The following FLNB variants were observed in gnomAD, a reference collection of about 807,000 sequenced individuals.
The protein encoded by FLNB is filamin B.
FLNB carries 111 observed loss-of-function variants against 250.6 expected under a neutral mutation model. That is an observed-to-expected ratio of 0.44 (90% CI 0.38 to 0.52). The LOEUF (loss-of-function observed/expected upper bound fraction) is 0.52. Ranked by LOEUF, FLNB falls within the 20% of genes least tolerant of loss-of-function variation. The pLI is 0.00. For missense variants in FLNB, 2,869 were observed against 3,447.8 expected (o/e 0.83, Z 4.20); for synonymous variants, 1,302 against 1,372.1 (o/e 0.95, Z 1.13).
chr3:58,020,804 G>A (rs1383449516), intron 1 of FLNB, among the ~76,000 whole-genome samples: 2 of 151,920 alleles, frequency 1.3e-5, no homozygotes, highest in African/African-American at 4.8e-5. Context: ...ATAGGGAAAC[G>A]GGTGGGGATT....
In FLNB at chr3:58,150,006, T is replaced by G. The variant is rs185737810; in HGVS notation, c.6244+4T>G. The G allele has an allele frequency of 3.2e-4, 519 of 1,614,264 alleles. 3 individuals are homozygous for G. In the African/African-American group the frequency reaches 6.0e-3, roughly 19 times the overall value. ...TTCGCTGACGAGCACGTGCCTGGTA[T>G]GTGCATTCCATTCCCCTCCAGGTGG... On this transcript the variant is annotated splice_donor_region_variant and intron_variant, in intron 37 of 45. Coordinates refer to ENST00000295956, the MANE Select transcript of FLNB (RefSeq NM_001457.4).
chr3:58,034,172 A>G (rs1408188583), intron 1 of FLNB, among the ~76,000 whole-genome samples: 21 of 152,146 alleles, frequency 1.4e-4, no homozygotes, highest in Non-Finnish European at 2.9e-5. Flanking sequence ...GGTGGTTTCT[A>G]AATAAAGCTA....
In FLNB at chr3:58,123,329, T is replaced by C. The variant is rs1034838876; in HGVS notation, c.3363T>C (p.Ser1121=). 6.2e-7 allele frequency: 1 copy of C among 1,614,146 alleles called. No individual in the cohort carries two copies. The highest frequency in any genetic ancestry group is 8.5e-7 in the Non-Finnish European group (1 of 1,180,012). The change falls in exon 21 of 46, where the codon TCT becomes TCC. Residue 1121 remains serine (S), a synonymous_variant. Transcript: ENST00000295956. ...TTGAAGAAGTCCACATACCTGGGTC[T>C]CCCTTCAAAGCTGACATTGAAATGC... ...ILFEEVHIPG[S]PFKADIEMPF...
chr3:58,094,983 C>A (rs1269711032), intron 5 of FLNB, 29 bp downstream of exon 5: 4 of 1,536,980 alleles, frequency 2.6e-6, no homozygotes, highest in Non-Finnish European at 3.6e-6. Context: ...CCTCTCCTTT[C>A]CAGCACCTCA....
chr3:58,067,976 C>T (rs1237189407), intron 1 of FLNB, among the ~76,000 whole-genome samples: 6 of 152,188 alleles, frequency 3.9e-5, no homozygotes, highest in African/African-American at 1.4e-4. Context: ...GATACTGGGA[C>T]CCAGGTTCCT....
At chr3:58,157,367 T>C (rs531984125) in intron 41 of FLNB, among the ~76,000 whole-genome samples, 1 of 152,204 alleles carries the variant, frequency 6.6e-6, no homozygotes, top group African/African-American at 2.4e-5. Context: ...ATTGGTGATA[T>C]CATTGGCTTT....
At chr3:58,100,879 A>G (rs2097249955) in intron 8 of FLNB, among the ~76,000 whole-genome samples, 2 of 151,540 alleles carry the variant, frequency 1.3e-5, no homozygotes, top group Admixed American at 6.6e-5. Flanking sequence ...GTTTACAGGC[A>G]TAAGCCACCA....
intron 32 of FLNB, 80 bp from the exon 33 acceptor site, chr3:58,145,841 A>G (rs993878709): frequency 1.3e-6 from 2 of 1,580,446 alleles, no homozygotes; most frequent in East Asian, 2.2e-5. Flanking sequence ...AGAGAGGTGG[A>G]CGTCAAGATG....
chr3:58,105,334 T>G, intron 11 of FLNB, 118 bp downstream of exon 11: 1 of 1,283,494 alleles, frequency 7.8e-7, no homozygotes, highest in Non-Finnish European at 1.1e-6. Flanking sequence ...CTTCCTGGCC[T>G]CCTGGCCACC....
chr3:58,170,505 C>G lies in FLNB; in HGVS notation c.7622-70C>G, dbSNP rs1045739220. 11 of 1,498,340 alleles carry G rather than the reference C, an allele frequency of 7.3e-6. No individual in the cohort carries two copies. In the African/African-American group the frequency reaches 1.1e-4, roughly 15 times the overall value. The allele number at this position is 1,498,340 out of a possible 1,614,324, so 92.8% of individuals were successfully genotyped here. ...TCGTGGAAGCACCTTACCTTTGGCT[C>G]TCATATTTCCTCTTCTTCCTGTGCC... On this transcript the variant is annotated intron_variant, in intron 45 of 45. Coordinates refer to ENST00000295956, the MANE Select transcript of FLNB (RefSeq NM_001457.4).
At chr3:58,102,717 C>G (rs928912669) in intron 9 of FLNB, among the ~76,000 whole-genome samples, 2 of 152,236 alleles carry the variant, frequency 1.3e-5, no homozygotes, top group Non-Finnish European at 2.9e-5. Flanking sequence ...AGCTGGAATT[C>G]AAGCACAGTC....
chr3:58,016,070 T>C (rs958421257), intron 1 of FLNB, among the ~76,000 whole-genome samples: 1 of 151,854 alleles, frequency 6.6e-6, no homozygotes, highest in Non-Finnish European at 1.5e-5. Context: ...GTTTTTTTTT[T>C]TGAGTTGGAG....
intron 1 of FLNB, among the ~76,000 whole-genome samples, chr3:58,024,381 G>T (rs1469549342): frequency 1.3e-5 from 2 of 152,152 alleles, no homozygotes; most frequent in Non-Finnish European, 2.9e-5. Context: ...TGGAGGTGGT[G>T]GTGGGGGCTG....
At chr3:58,054,010 C>T (rs549915858) in intron 1 of FLNB, among the ~76,000 whole-genome samples, 174 of 152,250 alleles carry the variant, frequency 1.1e-3, no homozygotes, top group African/African-American at 4.1e-3. Flanking sequence ...TTGGTGAACA[C>T]TGGGGCTTAA....
chr3:58,088,121 A>C (rs558968683), intron 4 of FLNB, among the ~76,000 whole-genome samples: 3 of 128,962 alleles, frequency 2.3e-5, no homozygotes, highest in African/African-American at 9.0e-5. Flanking sequence ...GGCTCGCTGC[A>C]ACCCCCGCCT....
At chr3:58,096,879 G>A (rs963792474) in intron 6 of FLNB, among the ~76,000 whole-genome samples, 6 of 152,204 alleles carry the variant, frequency 3.9e-5, no homozygotes, top group Non-Finnish European at 8.8e-5. Flanking sequence ...CAGCATTGAA[G>A]GCTGAGGATG....
rs1256764500 is a variant in FLNB at position 58,150,200 on chromosome 3, A to G, written c.6340A>G (p.Ile2114Val). 6.8e-6 allele frequency: 11 copies of G among 1,614,084 alleles called. No individual in the cohort carries two copies. The highest frequency in any genetic ancestry group is 9.3e-6 in the Non-Finnish European group (11 of 1,180,034). ...CCCGTCCGTGGCCACTGTCGGGAGC[A>G]TTTGTGACCTGAACCTGAAAATCCC... ...RAPSVATVGS[I>V]CDLNLKIPEI... Residue 2114 changes from isoleucine to valine, a missense_variant, in exon 38 of 46, where the codon ATT (isoleucine) becomes GTT (valine). Ile to Val is a conservative substitution (Grantham distance 29). Transcript: ENST00000295956.
chr3:58,070,709 G>T (rs545122425), intron 1 of FLNB, among the ~76,000 whole-genome samples: 53 of 150,048 alleles, frequency 3.5e-4, no homozygotes, highest in Non-Finnish European at 6.8e-4. Context: ...ACCCAGGCTG[G>T]AGTGCAGTGG....
rs758045039 is a variant in FLNB, at chr3:58,109,673, C to T, written c.2297C>T (p.Thr766Met). 1.9e-5 allele frequency: 30 copies of T among 1,613,982 alleles called. No individual in the cohort carries two copies. The Middle Eastern group carries it at 4.9e-4, about 27-fold the overall frequency. Residue 766 changes from threonine to methionine, a missense_variant, in exon 15 of 46, where the codon ACG (threonine) becomes ATG (methionine). This residue lies in a region of FLNB where 1,348 missense variants were observed against 1,466.7 expected (regional missense o/e 0.92). Transcript: ENST00000295956. ...AAGGCAAATGAACCTACACACTTCACGGTGGACTGTACTGAGGCTGGGGAA... is the reference window on the plus strand; with the variant it reads ...AAGGCAAATGAACCTACACACTTCATGGTGGACTGTACTGAGGCTGGGGAA... ...GLKANEPTHF[T>M]VDCTEAGEGD... is the part of the protein sequence containing the mutation.
Sources: allele counts gnomAD v4.1 joint callset (sites outside exome capture counted in the v4.1 genomes callset), GRCh38; gene constraint gnomAD v4.1.1; regional missense constraint gnomAD v4.1.1; transcripts MANE v1.5; gene names NCBI Gene and HGNC (gene_info 2026-07-23, HGNC 2026-07-21).